The following FRMD4A variants were observed in gnomAD, a reference collection of about 807,000 sequenced individuals.
FRMD4A encodes FERM domain containing 4A.
In FRMD4A, 29 loss-of-function variants were observed where a neutral mutation model predicts 129.1. The ratio of observed to expected loss-of-function variants is 0.22; its 90% CI spans 0.17 to 0.31. The LOEUF is 0.31. Among genes scored for constraint, FRMD4A ranks in the 10% least tolerant of loss-of-function variants. FRMD4A has a pLI of 1.00. For missense variants in FRMD4A, 1,272 were observed against 1,375.8 expected (o/e 0.92, Z 1.19); for synonymous variants, 634 against 571.6 (o/e 1.11, Z -1.56).
chr10:14,116,223 C>T (rs896903540), intron 2 of FRMD4A, among the ~76,000 whole-genome samples: 42 of 152,090 alleles, frequency 2.8e-4, no homozygotes, highest in African/African-American at 9.9e-4. Flanking sequence ...AAACCAGACC[C>T]GAAAGAAACA....
intron 2 of FRMD4A, among the ~76,000 whole-genome samples, chr10:13,898,053 A>T (rs1208153465): frequency 6.6e-6 from 1 of 151,868 alleles, no homozygotes; most frequent in Admixed American, 6.6e-5. Context: ...TTTTGCCCCA[A>T]GCACCTTAGT....
chr10:13,935,209 A>G (rs969086079), intron 2 of FRMD4A, among the ~76,000 whole-genome samples: 1 of 152,058 alleles, frequency 6.6e-6, no homozygotes, highest in East Asian at 1.9e-4. Context: ...TAGGCTGAGC[A>G]GGCGGATCAC....
intron 2 of FRMD4A, among the ~76,000 whole-genome samples, chr10:14,238,896 G>T (rs1244765266): frequency 2.0e-5 from 3 of 152,306 alleles, no homozygotes; most frequent in Middle Eastern, 3.4e-3. Context: ...GTATTCCATG[G>T]TGTATATGTG....
In FRMD4A at chr10:13,701,340, C is replaced by T. The variant is rs1283144951; in HGVS notation, c.975G>A (p.Lys325=). 5 of 1,613,032 alleles carry T rather than the reference C, an allele frequency of 3.1e-6. No individual in the cohort carries two copies. Among genetic ancestry groups the T allele is most frequent in the South Asian group, 1.1e-5 (1 of 90,860 alleles). Reference sequence around the variant, plus strand: ...CTTGGTGAGAGGTCTGGTCACTCACCTTACTCTGCTTTCTGTCCAGATAGA... The same window carrying T: ...CTTGGTGAGAGGTCTGGTCACTCACTTTACTCTGCTTTCTGTCCAGATAGA... ...HQFYLDRKQS[K]SKIHAARSLS... The change falls in exon 14 of 25, where the codon AAG becomes AAA. Residue 325 remains lysine (K), a splice_region_variant and synonymous_variant. Coordinates refer to ENST00000357447, the MANE Select transcript of FRMD4A (RefSeq NM_018027.5).
At chr10:14,080,309 C>T (rs2131731666) in intron 2 of FRMD4A, among the ~76,000 whole-genome samples, 1 of 152,236 alleles carries the variant, frequency 6.6e-6, no homozygotes, top group East Asian at 1.9e-4. Context: ...TGTTATGTGC[C>T]ACCTGAAGGT....
At chr10:14,154,983 C>T (rs1469383863) in intron 2 of FRMD4A, among the ~76,000 whole-genome samples, 1 of 152,214 alleles carries the variant, frequency 6.6e-6, no homozygotes, top group Admixed American at 6.5e-5. Flanking sequence ...TCCTCTTATA[C>T]TCTTTGTGTC....
At chr10:14,039,407 C>CATCCATCTATCTATCTATCTATCTATCT (rs1285305420) in intron 2 of FRMD4A, among the ~76,000 whole-genome samples, 109 of 147,788 alleles carry the variant, frequency 7.4e-4, no homozygotes, top group Middle Eastern at 3.5e-3. Context: ...TCCATCCATC[C>CATCCATCTATCTATCTATCTATCTATCT]ATCTATCTAT....
At chr10:14,317,127 A>G (rs1195224791) in intron 2 of FRMD4A, among the ~76,000 whole-genome samples, 1 of 152,136 alleles carries the variant, frequency 6.6e-6, no homozygotes, top group African/African-American at 2.4e-5. Context: ...ATATTTCTAC[A>G]TCTGCACTCT....
At chr10:13,689,629 T>C (rs969656287) in intron 15 of FRMD4A, among the ~76,000 whole-genome samples, 2 of 150,104 alleles carry the variant, frequency 1.3e-5, no homozygotes, top group African/African-American at 4.9e-5. Context: ...CATAGCTCAC[T>C]ACAGCCTTGA....
chr10:14,106,866 C>T (rs199598289), intron 2 of FRMD4A, among the ~76,000 whole-genome samples: 2 of 55,260 alleles, frequency 3.6e-5, no homozygotes, highest in African/African-American at 1.4e-4. Flanking sequence ...GGATATATAC[C>T]CAAAATCATT....
At chr10:14,110,525 G>A (rs1837844913) in intron 2 of FRMD4A, among the ~76,000 whole-genome samples, 2 of 152,036 alleles carry the variant, frequency 1.3e-5, no homozygotes, top group African/African-American at 4.8e-5. Context: ...TAAACATTCG[G>A]GACAATGGAG....
At chr10:14,141,994 T>C (rs1022757539) in intron 2 of FRMD4A, among the ~76,000 whole-genome samples, 1 of 152,208 alleles carries the variant, frequency 6.6e-6, no homozygotes, top group Non-Finnish European at 1.5e-5. Context: ...TAACAGGCTA[T>C]GTTGCCACAA....
In FRMD4A at chr10:13,775,605, C is replaced by T. The variant is rs963830672; in HGVS notation, c.384+7317G>A. Among the ~76,000 whole-genome samples the T allele has an allele frequency of 7.9e-5, 12 of 152,174 alleles. No individual in the cohort carries two copies. The East Asian group carries it at 9.6e-4, about 12-fold the overall frequency. ...TGTAAAACAAAAAACAGGAAGACTC[C>T]GGATCCGGGAAAGAGAGGACCCAAT... On this transcript the variant is annotated intron_variant, in intron 6 of 24. Transcript: ENST00000357447.
chr10:13,957,068 A>C (rs2095413800), intron 2 of FRMD4A, among the ~76,000 whole-genome samples: 1 of 152,190 alleles, frequency 6.6e-6, no homozygotes, highest in Non-Finnish European at 1.5e-5. Context: ...AGTGGCTCTG[A>C]ACCACGGGGA....
At chr10:13,787,519 T>C (rs957961757) in intron 5 of FRMD4A, among the ~76,000 whole-genome samples, 5 of 152,146 alleles carry the variant, frequency 3.3e-5, no homozygotes, top group Non-Finnish European at 7.4e-5. Flanking sequence ...TGGAGTGCAG[T>C]GTGCAACCAC....
chr10:14,241,262 A>G (rs916366798), intron 2 of FRMD4A, among the ~76,000 whole-genome samples: 2 of 152,246 alleles, frequency 1.3e-5, no homozygotes, highest in Non-Finnish European at 2.9e-5. Flanking sequence ...GAAATAGGCA[A>G]TCAGTCCTCA....
chr10:14,226,747 G>A (rs1442195362), intron 2 of FRMD4A, among the ~76,000 whole-genome samples: 2 of 152,046 alleles, frequency 1.3e-5, no homozygotes, highest in African/African-American at 4.8e-5. Flanking sequence ...CAAATCCATG[G>A]AACTGCCTGC....
chr10:14,042,114 T>A (rs769620832), intron 2 of FRMD4A, among the ~76,000 whole-genome samples: 12 of 152,260 alleles, frequency 7.9e-5, no homozygotes, highest in Non-Finnish European at 1.8e-4. Context: ...TGCTAACATT[T>A]TTAAATGTCT....
intron 2 of FRMD4A, among the ~76,000 whole-genome samples, chr10:14,237,396 T>C (rs1334583690): frequency 1.3e-5 from 2 of 152,166 alleles, no homozygotes; most frequent in Non-Finnish European, 2.9e-5. Flanking sequence ...AATGGCAGGA[T>C]CTCAGCTCAC....
Sources: allele counts gnomAD v4.1 joint callset (sites outside exome capture counted in the v4.1 genomes callset), GRCh38; gene constraint gnomAD v4.1.1; transcripts MANE v1.5; gene names NCBI Gene and HGNC (gene_info 2026-07-23, HGNC 2026-07-21).